Variants in OSBPL1A observed in about 807,000 individuals in gnomAD.
The protein encoded by OSBPL1A is oxysterol-binding protein-related protein 1.
In OSBPL1A, 80 loss-of-function variants were observed where a neutral mutation model predicts 137.1. The observed-to-expected ratio is 0.58, with a 90% CI of 0.49 to 0.70. OSBPL1A has a LOEUF of 0.70. OSBPL1A is among the 30% of genes least tolerant of loss of function. The probability of loss-of-function intolerance (pLI) is 0.00; values close to 1 mark genes in which losing one functional copy is unlikely to be tolerated. For synonymous variants in OSBPL1A, 365 were observed against 389.7 expected, an observed-to-expected ratio of 0.94 and a Z score of 0.75; for missense variants, 970 against 1,129.4, an observed-to-expected ratio of 0.86 and a Z score of 2.02.
chr18:24,378,606 T>G (rs150402975), intron 1 of OSBPL1A, among the ~76,000 whole-genome samples: 66 of 152,306 alleles, frequency 4.3e-4, no homozygotes, highest in Admixed American at 3.1e-3. Context: ...TAGAAACCAC[T>G]CCATGTCATC....
At chr18:24,370,284 C>T (rs559749949) in intron 2 of OSBPL1A, among the ~76,000 whole-genome samples, 60 of 152,336 alleles carry the variant, frequency 3.9e-4, no homozygotes, top group Non-Finnish European at 7.6e-4. Context: ...CATCACAGCT[C>T]CTCCTTTGAG....
At chr18:24,169,443 G>A (rs1027482581) in intron 24 of OSBPL1A, among the ~76,000 whole-genome samples, 8 of 152,216 alleles carry the variant, frequency 5.3e-5, no homozygotes, top group African/African-American at 1.9e-4. Context: ...CCAGTCCGAG[G>A]AAGTACTTTT....
chr18:24,315,817 AAT>A (rs1399938850), intron 11 of OSBPL1A, among the ~76,000 whole-genome samples: 1 of 73,766 alleles, frequency 1.4e-5, no homozygotes, highest in Admixed American at 1.6e-4. Flanking sequence ...TATATAATAA[AAT>A]ATATAATATA....
At chr18:24,356,369 T>C (rs940272001) in intron 4 of OSBPL1A, among the ~76,000 whole-genome samples, 7 of 152,052 alleles carry the variant, frequency 4.6e-5, no homozygotes, top group Non-Finnish European at 1.0e-4. Context: ...CAAGAAACTA[T>C]ACAGTGGAGA....
At chr18:24,356,203 C>A (rs1160058163) in intron 4 of OSBPL1A, among the ~76,000 whole-genome samples, 1 of 151,712 alleles carries the variant, frequency 6.6e-6, no homozygotes, top group African/African-American at 2.4e-5. Context: ...GTTATGATAC[C>A]TTGTCCAGTT....
At chr18:24,188,380 A>G (rs1394438896) in intron 18 of OSBPL1A, among the ~76,000 whole-genome samples, 1 of 152,244 alleles carries the variant, frequency 6.6e-6, no homozygotes, top group East Asian at 1.9e-4. Context: ...CTTGAAGCCA[A>G]TGACAAAGAG....
At chr18:24,224,013 ACACT>A (rs1056068320) in intron 17 of OSBPL1A, among the ~76,000 whole-genome samples, 2 of 152,212 alleles carry the variant, frequency 1.3e-5, no homozygotes, top group African/African-American at 4.8e-5. Context: ...ATCGGGAAAG[ACACT>A]CACTGCTGGA....
Position 24,368,339 on chromosome 18 carries a change from A to C in OSBPL1A, c.155T>G (p.Leu52Arg). The C allele has an allele frequency of 6.2e-7, 1 of 1,613,748 alleles. No individual in the cohort carries two copies. The highest frequency in any genetic ancestry group is 1.1e-5 in the South Asian group (1 of 91,036). The stretch of plus-strand genomic sequence containing the variant: ...GTGTCCAAAATAGCATGCCAGATGT[A>C]GAGGTGTCCAGCCCAAGTTAGACTT... ...RSKSNLGWTP[L>R]HLACYFGHRQ... The change falls in exon 3 of 28, where the codon CTA becomes CGA. Residue 52 changes from leucine (L) to arginine (R), a missense_variant. Transcript: ENST00000319481.
chr18:24,314,859 A>G (rs1401390733), intron 11 of OSBPL1A, among the ~76,000 whole-genome samples: 1 of 152,176 alleles, frequency 6.6e-6, no homozygotes, highest in East Asian at 1.9e-4. Flanking sequence ...GAGGTTGCAA[A>G]ATGTTTTGTG....
At chr18:24,281,058 T>A in intron 14 of OSBPL1A, 110 bp from the exon 15 acceptor site, 2 of 615,814 alleles carry the variant, frequency 3.2e-6, no homozygotes, top group Non-Finnish European at 5.2e-6. Flanking sequence ...CATCTAGCTA[T>A]CTTAAGCAAA....
chr18:24,249,377 T>A (rs1178488958), intron 15 of OSBPL1A, among the ~76,000 whole-genome samples: 1 of 152,202 alleles, frequency 6.6e-6, no homozygotes, highest in Non-Finnish European at 1.5e-5. Flanking sequence ...AATAGAAGCT[T>A]ACATCCTTTG....
chr18:24,206,282 T>C (rs958037010), intron 17 of OSBPL1A, among the ~76,000 whole-genome samples: 1 of 152,296 alleles, frequency 6.6e-6, no homozygotes, highest in East Asian at 1.9e-4. Context: ...TTCAAATTAA[T>C]GAACTATCCC....
At chr18:24,245,145 G>A (rs1225882619) in intron 15 of OSBPL1A, among the ~76,000 whole-genome samples, 1 of 152,062 alleles carries the variant, frequency 6.6e-6, no homozygotes, top group Admixed American at 6.5e-5. Context: ...CCACGCTGGA[G>A]TGCAGGCTCC....
chr18:24,310,355 G>A (rs1312843403), intron 13 of OSBPL1A, among the ~76,000 whole-genome samples: 2 of 150,576 alleles, frequency 1.3e-5, no homozygotes, highest in African/African-American at 4.9e-5. Context: ...TTGCGGGGAC[G>A]AGGCGGGTGG....
chr18:24,296,067 T>G (rs1317879792), intron 14 of OSBPL1A, among the ~76,000 whole-genome samples: 1 of 152,196 alleles, frequency 6.6e-6, no homozygotes, highest in Non-Finnish European at 1.5e-5. Flanking sequence ...TGATGGGAAT[T>G]GCATTGCATC....
chr18:24,175,139 C>CATATATATATATATATATATACATATAT (rs1301852341), intron 21 of OSBPL1A, among the ~76,000 whole-genome samples: 2 of 119,836 alleles, frequency 1.7e-5, no homozygotes, highest in African/African-American at 8.7e-5. Context: ...TATATATACA[C>CATATATATATATATATATATACATATAT]ATATATATAT....
chr18:24,256,915 T>G (rs1340958679), intron 15 of OSBPL1A, among the ~76,000 whole-genome samples: 1 of 128,038 alleles, frequency 7.8e-6, no homozygotes, highest in African/African-American at 3.0e-5. Flanking sequence ...AAGTGAAAGA[T>G]CTCTATGGTG....
At chr18:24,185,560 C>A (rs2086725680) in intron 18 of OSBPL1A, among the ~76,000 whole-genome samples, 1 of 152,036 alleles carries the variant, frequency 6.6e-6, no homozygotes, top group Non-Finnish European at 1.5e-5. Context: ...ACCTCGTGAT[C>A]CGCCCACCTC....
At chr18:24,315,844 TAATAA>T (rs2090722994) in intron 11 of OSBPL1A, among the ~76,000 whole-genome samples, 2 of 116,902 alleles carry the variant, frequency 1.7e-5, no homozygotes, top group Non-Finnish European at 3.3e-5. Flanking sequence ...ATATATTATA[TAATAA>T]AATATATAAT....
Sources: allele counts gnomAD v4.1 joint callset (sites outside exome capture counted in the v4.1 genomes callset), GRCh38; gene constraint gnomAD v4.1.1; transcripts MANE v1.5; gene names NCBI Gene and HGNC (gene_info 2026-07-23, HGNC 2026-07-21).